GRID2: variants seen among roughly 807,000 people sequenced by gnomAD.
GRID2 encodes glutamate ionotropic receptor delta type subunit 2.
In GRID2, 33 loss-of-function variants were observed where a neutral mutation model predicts 114.8. The observed-to-expected ratio is 0.29, with a 90% CI of 0.22 to 0.38. The LOEUF (loss-of-function observed/expected upper bound fraction) is 0.38. Ranked by LOEUF, GRID2 falls within the 10% of genes least tolerant of loss-of-function variation. The probability of loss-of-function intolerance (pLI) is 1.00; values close to 1 mark genes in which losing one functional copy is unlikely to be tolerated. For synonymous variants in GRID2, 505 were observed against 449.9 expected (o/e 1.12, Z -1.55); for missense variants, 1,184 against 1,257.7 (o/e 0.94, Z 0.89).
chr4:92,600,577 C>T (rs1729176164), intron 2 of GRID2, among the ~76,000 whole-genome samples: 1 of 152,068 alleles, frequency 6.6e-6, no homozygotes, highest in African/African-American at 2.4e-5. Context: ...GGGACTTTTT[C>T]GTTGATGCTG....
At chr4:92,735,917 CTT>C (rs1359222828) in intron 2 of GRID2, among the ~76,000 whole-genome samples, 2 of 151,954 alleles carry the variant, frequency 1.3e-5, no homozygotes, top group Non-Finnish European at 2.9e-5. Flanking sequence ...AGAAATATTT[CTT>C]AAAGAAAAAG....
intron 1 of GRID2, among the ~76,000 whole-genome samples, chr4:92,423,021 G>T (rs1731980625): frequency 6.6e-6 from 1 of 151,988 alleles, no homozygotes; most frequent in Non-Finnish European, 1.5e-5. Flanking sequence ...CCTCCCTTTG[G>T]GTTTTAAAAC....
At chr4:93,443,995 G>A (rs1369653322) in intron 10 of GRID2, among the ~76,000 whole-genome samples, 4 of 151,734 alleles carry the variant, frequency 2.6e-5, no homozygotes, top group East Asian at 3.9e-4. Flanking sequence ...AGAAGACTAC[G>A]AAGATAAAAT....
At chr4:92,351,754 G>C (rs1728078948) in intron 1 of GRID2, among the ~76,000 whole-genome samples, 2 of 151,760 alleles carry the variant, frequency 1.3e-5, no homozygotes, top group Admixed American at 6.6e-5. Flanking sequence ...GTAAGATCAT[G>C]CATTATTTAT....
At chr4:93,006,679 A>G (rs1721567999) in intron 2 of GRID2, among the ~76,000 whole-genome samples, 3 of 151,968 alleles carry the variant, frequency 2.0e-5, no homozygotes, top group Middle Eastern at 6.8e-3. Context: ...TTTTTTTTTC[A>G]TTAACTACAC....
intron 2 of GRID2, among the ~76,000 whole-genome samples, chr4:92,713,312 G>T (rs1735353007): frequency 6.6e-6 from 1 of 150,936 alleles, no homozygotes; most frequent in Admixed American, 6.6e-5. Flanking sequence ...TAACTTACCG[G>T]AATATAGTAA....
intron 2 of GRID2, among the ~76,000 whole-genome samples, chr4:92,827,522 T>C (rs1578250573): frequency 6.6e-6 from 1 of 152,088 alleles, no homozygotes; most frequent in South Asian, 2.1e-4. Context: ...TATTCTACCA[T>C]CCTGGTAGTA....
Position 92,594,474 on chromosome 4 carries a change from A to T in GRID2, c.244+4188A>T, listed in dbSNP as rs1728853988. ...ATGACCCTTAAGAACACAGTTCTAG[A>T]ATTAGAACCTTATAGAAACGATCAT... On this transcript the variant is annotated intron_variant, in intron 2 of 15. Transcript: ENST00000282020. Among the ~76,000 whole-genome samples the T allele has an allele frequency of 3.3e-5, 5 of 151,954 alleles. No individual in the cohort carries two copies. In the South Asian group the frequency reaches 1.0e-3, roughly 31 times the overall value.
intron 2 of GRID2, among the ~76,000 whole-genome samples, chr4:92,968,448 G>C (rs1205131178): frequency 6.6e-6 from 1 of 151,642 alleles, no homozygotes; most frequent in South Asian, 2.1e-4. Flanking sequence ...AAGCTATTAG[G>C]CTACCTAAAT....
intron 14 of GRID2, among the ~76,000 whole-genome samples, chr4:93,739,531 AG>A (rs1016026255): frequency 2.0e-5 from 3 of 152,128 alleles, no homozygotes; most frequent in African/African-American, 7.2e-5. Flanking sequence ...CCATTTTTAA[AG>A]GGATAACTAT....
chr4:93,657,482 C>T (rs533840634), intron 14 of GRID2, among the ~76,000 whole-genome samples: 5 of 152,162 alleles, frequency 3.3e-5, no homozygotes, highest in African/African-American at 1.2e-4. Flanking sequence ...TGGAACTATT[C>T]GATTTGATGG....
At chr4:92,331,007 A>T (rs908181704) in intron 1 of GRID2, among the ~76,000 whole-genome samples, 13 of 152,260 alleles carry the variant, frequency 8.5e-5, no homozygotes, top group African/African-American at 2.6e-4. Context: ...ACTCTGTTCA[A>T]GGCCATGTGT....
chr4:93,704,518 A>G (rs377446967), intron 14 of GRID2, among the ~76,000 whole-genome samples: 2 of 151,992 alleles, frequency 1.3e-5, no homozygotes, highest in South Asian at 2.1e-4. Context: ...CCATTTGTCA[A>G]TTTTGGCTTT....
intron 2 of GRID2, among the ~76,000 whole-genome samples, chr4:92,648,095 T>A (rs929666129): frequency 1.3e-5 from 2 of 150,018 alleles, no homozygotes; most frequent in Non-Finnish European, 3.0e-5. Context: ...ATTCAAGTTT[T>A]ACCTTGTATA....
intron 1 of GRID2, among the ~76,000 whole-genome samples, chr4:92,326,905 C>T (rs1220402506): frequency 1.3e-5 from 2 of 151,844 alleles, no homozygotes; most frequent in African/African-American, 4.8e-5. Context: ...GCATCCTCTG[C>T]ACTTCTTTTT....
intron 8 of GRID2, among the ~76,000 whole-genome samples, chr4:93,336,577 T>A (rs751330429): frequency 3.3e-5 from 5 of 152,202 alleles, no homozygotes; most frequent in Non-Finnish European, 7.3e-5. Flanking sequence ...GTGTAGCTAC[T>A]GATACAGGGT....
chr4:93,011,628 A>G (rs915280984), intron 2 of GRID2, among the ~76,000 whole-genome samples: 2 of 152,094 alleles, frequency 1.3e-5, no homozygotes, highest in Admixed American at 6.6e-5. Flanking sequence ...GAGACCAAAC[A>G]TATTTCTTAC....
In GRID2 at chr4:93,773,231, CAT is replaced by C. The variant is rs1373756283; in HGVS notation, c.*740_*741del. 6.6e-6 allele frequency: 1 copy of C among 152,012 alleles called. No homozygotes were observed. The highest frequency in any genetic ancestry group is 1.9e-4 in the East Asian group (1 of 5,182). 9.4% of individuals were successfully genotyped at this position (152,012 alleles called of 1,614,324 possible). A position where few individuals can be genotyped will look rare whatever the true frequency, so the allele number is the denominator to read the frequency against. On this transcript the variant is annotated 3_prime_UTR_variant, in exon 16 of 16. Transcript: ENST00000282020. ...AATAAATTAGTATTTCATATATATA[CAT>C]ATATATGCACCTATATAATGTGTAT...
chr4:93,060,946 T>G (rs2149292572), intron 2 of GRID2, among the ~76,000 whole-genome samples: 1 of 151,824 alleles, frequency 6.6e-6, no homozygotes, highest in Non-Finnish European at 1.5e-5. Context: ...CACTTAGAAA[T>G]ATAAAAATCA....
Sources: allele counts gnomAD v4.1 joint callset (sites outside exome capture counted in the v4.1 genomes callset), GRCh38; gene constraint gnomAD v4.1.1; transcripts MANE v1.5; gene names NCBI Gene and HGNC (gene_info 2026-07-23, HGNC 2026-07-21).